The following CTXND2 variants were observed in gnomAD, a reference collection of about 807,000 sequenced individuals.
CTXND2 encodes cortexin domain containing 2.
chr1:150,893,281 A>G (rs1419415408), intron 1 of CTXND2, among the ~76,000 whole-genome samples: 2 of 152,192 alleles, frequency 1.3e-5, no homozygotes, highest in Non-Finnish European at 2.9e-5. Context: ...GTCTGTGAAT[A>G]GTAAACTTTT....
intron 1 of CTXND2, among the ~76,000 whole-genome samples, chr1:150,889,268 C>T (rs750144362): frequency 1.3e-5 from 2 of 151,776 alleles, no homozygotes; most frequent in East Asian, 1.9e-4. Context: ...GGCGTGGCAG[C>T]GGGCACCTGT....
intron 1 of CTXND2, among the ~76,000 whole-genome samples, chr1:150,910,793 G>C (rs1221075053): frequency 6.6e-6 from 1 of 151,132 alleles, no homozygotes; most frequent in Non-Finnish European, 1.5e-5. Context: ...CACCATGCCT[G>C]GCTAATTTTT....
chr1:150,891,399 G>A (rs1380526543), intron 1 of CTXND2, among the ~76,000 whole-genome samples: 1 of 152,008 alleles, frequency 6.6e-6, no homozygotes, highest in African/African-American at 2.4e-5. Context: ...ATTTTTAGTA[G>A]AGACAGGGTT....
intron 1 of CTXND2, among the ~76,000 whole-genome samples, chr1:150,891,024 C>A (rs1218189695): frequency 6.6e-6 from 1 of 152,104 alleles, no homozygotes; most frequent in Non-Finnish European, 1.5e-5. Flanking sequence ...GAAGGTTGTA[C>A]TGTTCATACC....
intron 1 of CTXND2, among the ~76,000 whole-genome samples, chr1:150,896,586 C>T (rs2102596094): frequency 6.6e-6 from 1 of 152,190 alleles, no homozygotes; most frequent in African/African-American, 2.4e-5. Context: ...CTGCTTTATC[C>T]ACTAAAACCT....
At chr1:150,911,574 A>G (rs1183772539) in intron 1 of CTXND2, among the ~76,000 whole-genome samples, 1 of 151,890 alleles carries the variant, frequency 6.6e-6, no homozygotes, top group East Asian at 1.9e-4. Flanking sequence ...TTGGGATTAC[A>G]GGTGCCCGCC....
chr1:150,889,716 G>T (rs936070008), intron 1 of CTXND2, among the ~76,000 whole-genome samples: 1 of 152,000 alleles, frequency 6.6e-6, no homozygotes, highest in Non-Finnish European at 1.5e-5. Context: ...TTATCTTCCT[G>T]AAGTATGGCT....
At chr1:150,908,779 A>G (rs1289996227) in intron 1 of CTXND2, among the ~76,000 whole-genome samples, 1 of 141,564 alleles carries the variant, frequency 7.1e-6, no homozygotes, top group African/African-American at 2.6e-5. Context: ...TATGCCACAC[A>G]CCTAGCTAAT....
intron 1 of CTXND2, among the ~76,000 whole-genome samples, chr1:150,901,217 C>A (rs587692067): frequency 1.6e-4 from 24 of 152,262 alleles, no homozygotes. Context: ...TCTTTGGAAG[C>A]TACAAAACAT....
intron 1 of CTXND2, among the ~76,000 whole-genome samples, chr1:150,908,129 A>G (rs1426263942): frequency 6.6e-6 from 1 of 151,744 alleles, no homozygotes; most frequent in Non-Finnish European, 1.5e-5. Flanking sequence ...CTGCCCCCCA[A>G]GTAGCTGGGA....
At chr1:150,887,798 C>G (rs1668792848) in intron 1 of CTXND2, among the ~76,000 whole-genome samples, 1 of 149,522 alleles carries the variant, frequency 6.7e-6, no homozygotes, top group South Asian at 2.1e-4. Context: ...GTATTTTGGT[C>G]TTCTTCAAGA....
intron 1 of CTXND2, among the ~76,000 whole-genome samples, chr1:150,892,388 C>G (rs1668861772): frequency 6.6e-6 from 1 of 152,114 alleles, no homozygotes; most frequent in Admixed American, 6.6e-5. Context: ...TGATTTGCCT[C>G]TGGGCTCTCT....
chr1:150,900,173 C>A (rs587642075), intron 1 of CTXND2, among the ~76,000 whole-genome samples: 7 of 152,100 alleles, frequency 4.6e-5, no homozygotes, highest in Non-Finnish European at 8.8e-5. Flanking sequence ...GTCTTTGGGT[C>A]TGCACTACCT....
At chr1:150,903,841 T>G (rs1164801744) in intron 1 of CTXND2, 1 of 505,356 alleles carries the variant, frequency 2.0e-6, no homozygotes, top group African/African-American at 2.0e-5. Flanking sequence ...GAGTGGGATG[T>G]CCGGCTTCAG....
chr1:150,901,101 G>T (rs1488532817), intron 1 of CTXND2, among the ~76,000 whole-genome samples: 1 of 152,156 alleles, frequency 6.6e-6, no homozygotes, highest in Non-Finnish European at 1.5e-5. Flanking sequence ...GACAGAGTGA[G>T]ACCCTGTCTC....
chr1:150,896,103 G>C (rs1477218654), intron 1 of CTXND2, among the ~76,000 whole-genome samples: 3 of 152,190 alleles, frequency 2.0e-5, no homozygotes, highest in African/African-American at 7.2e-5. Context: ...AAACAAGAAT[G>C]TGTTCTTTTT....
rs1016006623 is a variant in CTXND2 at position 150,898,970 on chromosome 1, C to T, written c.-74+11657C>T. On this transcript the variant is annotated intron_variant, in intron 1 of 1. Transcript: ENST00000636087. ...TATATTAGCTGGGCGTGGTGGCAGG[C>T]GCCTGTTGTCCCAGCTACTTGGGGG... is the stretch of plus-strand genomic sequence containing the variant. Among the ~76,000 whole-genome samples, 24 of 148,816 alleles carry T rather than the reference C, an allele frequency of 1.6e-4. No homozygotes were observed. In the East Asian group the frequency reaches 3.9e-3, roughly 24 times the overall value.
intron 1 of CTXND2, among the ~76,000 whole-genome samples, chr1:150,896,759 C>A (rs1668918318): frequency 6.6e-6 from 1 of 152,162 alleles, no homozygotes; most frequent in South Asian, 2.1e-4. Context: ...ATTCACTGAA[C>A]AAATATTTAT....
chr1:150,887,566 G>C (rs1668790035), intron 1 of CTXND2, among the ~76,000 whole-genome samples: 1 of 152,034 alleles, frequency 6.6e-6, no homozygotes, highest in African/African-American at 2.4e-5. Flanking sequence ...TTTTTCGTTA[G>C]AGCTTTTTAC....
Sources: allele counts gnomAD v4.1 joint callset (sites outside exome capture counted in the v4.1 genomes callset), GRCh38; gene constraint gnomAD v4.1.1; transcripts MANE v1.5; gene names NCBI Gene and HGNC (gene_info 2026-07-23, HGNC 2026-07-21).